Variants in VDAC3 observed in about 807,000 individuals in gnomAD.
VDAC3 encodes voltage dependent anion channel 3.
Under a neutral mutation model 33.9 loss-of-function variants are expected in VDAC3, and 7 were observed. The ratio of observed to expected loss-of-function variants is 0.21; its 90% CI spans 0.12 to 0.39. VDAC3 has a LOEUF of 0.39. Among genes scored for constraint, VDAC3 ranks in the 10% least tolerant of loss-of-function variants. VDAC3 has a pLI of 1.00. For synonymous variants in VDAC3, 100 were observed against 122.4 expected, an observed-to-expected ratio of 0.82 and a Z score of 1.21; for missense variants, 261 against 334.5, an observed-to-expected ratio of 0.78 and a Z score of 1.71.
At position 42,405,655 on chromosome 8, in the gene VDAC3, TG is replaced by T. The variant is rs1802488883; in HGVS notation, c.*195del. 1.9e-6 allele frequency: 1 copy of T among 534,554 alleles called. No individual in the cohort carries two copies. Among genetic ancestry groups the T allele is most frequent in the Non-Finnish European group, 3.4e-6 (1 of 298,160 alleles). 33.1% of individuals were successfully genotyped at this position (534,554 alleles called of 1,614,324 possible). ...TGAGGGAGATGCTTGAAGGCATGCC[TG>T]GAAGTTGTCATGTTTGTGCCACGTT... On this transcript the variant is annotated 3_prime_UTR_variant, in exon 10 of 10. Coordinates refer to ENST00000022615, the MANE Select transcript of VDAC3 (RefSeq NM_005662.7).
chr8:42,396,975 T>G, intron 4 of VDAC3: 1 of 334,746 alleles, frequency 3.0e-6, no homozygotes, highest in East Asian at 5.2e-5. Context: ...GAACTCAACT[T>G]AGAACAATTC....
At chr8:42,396,638 C>A in intron 4 of VDAC3, 1 of 685,330 alleles carries the variant, frequency 1.5e-6, no homozygotes, top group Admixed American at 2.3e-5. Flanking sequence ...AAAATTTTAT[C>A]TCCCTTTCAT....
At chr8:42,393,996 C>T in intron 2 of VDAC3, 112 bp downstream of exon 2, 1 of 478,484 alleles carries the variant, frequency 2.1e-6, no homozygotes, top group Non-Finnish European at 3.7e-6. Flanking sequence ...CTCTGAATCT[C>T]ACGGGAAAAC....
Position 42,403,581 on chromosome 8 carries a change from G to T in VDAC3, c.702+120G>T. 6 of 1,117,070 alleles carry T rather than the reference G, an allele frequency of 5.4e-6. No homozygotes were observed. The South Asian group carries it at 9.9e-5, about 18-fold the overall frequency. The allele number at this position is 1,117,070 out of a possible 1,614,324, so 69.2% of individuals were successfully genotyped here. ...TAATTTTAATAAGCCAGCTCATTGT[G>T]TAGTGAAAGGAATATAATGTGGCCA... On this transcript the variant is annotated intron_variant, in intron 8 of 9. Coordinates refer to ENST00000022615, the MANE Select transcript of VDAC3 (RefSeq NM_005662.7).
intron 4 of VDAC3, chr8:42,397,703 T>C (rs1661337449): frequency 1.3e-5 from 2 of 152,190 alleles, no homozygotes; most frequent in South Asian, 4.1e-4. Flanking sequence ...AGTAACTGTT[T>C]GATAGAAAGC....
At chr8:42,395,275 T>A in intron 4 of VDAC3, 142 bp downstream of exon 4, 1 of 1,293,560 alleles carries the variant, frequency 7.7e-7, no homozygotes, top group Non-Finnish European at 1.1e-6. Context: ...AACAGCATTC[T>A]TAGCCAATTA....
At chr8:42,399,836 C>A in intron 6 of VDAC3, 133 bp downstream of exon 6, 1 of 733,968 alleles carries the variant, frequency 1.4e-6, no homozygotes, top group Non-Finnish European at 2.2e-6. Flanking sequence ...ATATTGGAGA[C>A]CTTGTATAGG....
At chr8:42,401,725 C>G (rs1055029958) in intron 6 of VDAC3, 63 bp from the exon 7 acceptor site, 2 of 1,489,560 alleles carry the variant, frequency 1.3e-6, no homozygotes, top group East Asian at 4.5e-5. Flanking sequence ...CTAAAAATTC[C>G]TAGACAGTAG....
Position 42,398,804 on chromosome 8 carries a change from C to T in VDAC3, c.210C>T (p.Thr70=), listed in dbSNP as rs1253153355. ...TKYKVCNYGL[T]FTQKWNTDNT... is the part of the protein sequence containing the mutation. ...ATAAGGTCTGTAACTATGGACTTAC[C>T]TTCACCCAGAAATGGAACACAGACA... Residue 70 remains threonine (T), a synonymous_variant, in exon 5 of 10, where the codon ACC becomes ACT. Transcript: ENST00000022615. The T allele has an allele frequency of 2.5e-6, 4 of 1,613,818 alleles. No homozygotes were observed. The African/African-American group carries it at 4.0e-5, about 16-fold the overall frequency.
At chr8:42,399,985 C>T (rs185711451) in intron 6 of VDAC3, among the ~76,000 whole-genome samples, 26 of 152,266 alleles carry the variant, frequency 1.7e-4, no homozygotes, top group African/African-American at 6.0e-4. Context: ...AGTCTTGAGA[C>T]CATAGATGAA....
chr8:42,405,116 G>A (rs928112076), intron 9 of VDAC3, among the ~76,000 whole-genome samples, 192 bp downstream of exon 9: 8 of 152,218 alleles, frequency 5.3e-5, no homozygotes, highest in African/African-American at 1.2e-4. Flanking sequence ...TGACTATAAT[G>A]TGGTCACTTT....
At chr8:42,405,308 T>G in intron 9 of VDAC3, 63 bp from the exon 10 acceptor site, 1 of 1,394,524 alleles carries the variant, frequency 7.2e-7, no homozygotes, top group South Asian at 1.2e-5. Flanking sequence ...CTGTTGTTTC[T>G]AGAAAGTTCA....
chr8:42,395,589 G>T (rs1401112960), intron 4 of VDAC3, among the ~76,000 whole-genome samples: 1 of 152,174 alleles, frequency 6.6e-6, no homozygotes, highest in Non-Finnish European at 1.5e-5. Flanking sequence ...GTTTTTAACT[G>T]ATGTTTATAA....
rs551258474 is a variant in VDAC3, at chr8:42,400,222, C to T, written c.323+519C>T. ...GCATGGTGGTGGGCGCCTGTAGTCC[C>T]AGCTACTCAGGAGGCTGAGGCAGGA... On this transcript the variant is annotated intron_variant, in intron 6 of 9. Transcript: ENST00000022615. Among the ~76,000 whole-genome samples, 24 of 151,632 alleles carry T rather than the reference C, an allele frequency of 1.6e-4. No homozygotes were observed. In the East Asian group the frequency reaches 4.5e-3, roughly 28 times the overall value.
chr8:42,394,958 C>A, intron 3 of VDAC3, 126 bp from the exon 4 acceptor site: 2 of 1,030,272 alleles, frequency 1.9e-6, no homozygotes, highest in Non-Finnish European at 1.4e-6. Flanking sequence ...AACTCTCACC[C>A]AATGAAAATA....
chr8:42,396,863 G>A (rs1045054038), intron 4 of VDAC3: 5 of 579,288 alleles, frequency 8.6e-6, no homozygotes, highest in Non-Finnish European at 1.5e-5. Flanking sequence ...AGCATTTAAT[G>A]TAGAGCTATA....
Position 42,401,865 on chromosome 8 carries a change from C to T in VDAC3, c.401C>T (p.Ser134Phe). ...SVGSNVDIDF[S>F]GPTIYGWAVL... ...GGCAGTAATGTTGATATAGATTTTT[C>T]TGGACCAACCATCTATGGCTGGGCT... The change falls in exon 7 of 10, where the codon TCT becomes TTT. Residue 134 changes from serine (S) to phenylalanine (F), a missense_variant. Physicochemically the swap from Ser to Phe is radical, Grantham distance 155. Coordinates refer to ENST00000022615, the MANE Select transcript of VDAC3 (RefSeq NM_005662.7). 1 of 1,614,196 alleles carries T rather than the reference C, an allele frequency of 6.2e-7. No homozygotes were observed. Among genetic ancestry groups the T allele is most frequent in the African/African-American group, 1.3e-5 (1 of 75,032 alleles).
chr8:42,395,895 G>A (rs1453081529), intron 4 of VDAC3, among the ~76,000 whole-genome samples: 3 of 150,368 alleles, frequency 2.0e-5, no homozygotes, highest in African/African-American at 7.3e-5. Flanking sequence ...GGAGGTGGAG[G>A]TTTCAGTGAG....
intron 4 of VDAC3, among the ~76,000 whole-genome samples, chr8:42,398,167 A>G (rs1326038586): frequency 6.6e-6 from 1 of 152,232 alleles, no homozygotes; most frequent in African/African-American, 2.4e-5. Flanking sequence ...CAGTAAAGAT[A>G]CTTCTTTTTT....
Sources: allele counts gnomAD v4.1 joint callset (sites outside exome capture counted in the v4.1 genomes callset), GRCh38; gene constraint gnomAD v4.1.1; transcripts MANE v1.5; gene names NCBI Gene and HGNC (gene_info 2026-07-23, HGNC 2026-07-21).